Variants in MIS18A observed in about 807,000 individuals in gnomAD.
The protein encoded by MIS18A is protein Mis18-alpha.
A neutral mutation model predicts 25.0 loss-of-function variants in MIS18A; 14 were observed. The ratio of observed to expected loss-of-function variants is 0.56; its 90% CI spans 0.37 to 0.88. The LOEUF is 0.88. Among genes scored for constraint, MIS18A ranks in the 40% least tolerant of loss-of-function variants. MIS18A has a pLI of 0.00. For missense variants in MIS18A, 292 were observed against 290.8 expected (o/e 1.00, Z -0.03); for synonymous variants, 134 against 118.6 (o/e 1.13, Z -0.84).
At chr21:32,169,670 C>T in the MIS18A span, among the ~76,000 whole-genome samples, 1 of 152,142 alleles carries the variant, frequency 6.6e-6, no homozygotes, top group South Asian at 2.1e-4. Context: ...TGAAGATATA[C>T]CCCGACACAC....
the MIS18A span, among the ~76,000 whole-genome samples, chr21:32,198,515 G>C: frequency 6.6e-6 from 1 of 152,224 alleles, no homozygotes; most frequent in African/African-American, 2.4e-5. Flanking sequence ...CAGGGTCCAT[G>C]CTGCCACCGC....
At chr21:32,192,768 C>A in the MIS18A span, among the ~76,000 whole-genome samples, 1 of 152,220 alleles carries the variant, frequency 6.6e-6, no homozygotes, top group Non-Finnish European at 1.5e-5. Context: ...AACAACCAAG[C>A]GTGGCTGAAT....
chr21:32,217,818 A>G, the MIS18A span, among the ~76,000 whole-genome samples: 33 of 152,268 alleles, frequency 2.2e-4, no homozygotes, highest in Admixed American at 1.7e-3. Flanking sequence ...CAAAATTCTG[A>G]AGGAAAAAAA....
the MIS18A span, among the ~76,000 whole-genome samples, chr21:32,198,581 T>C: frequency 6.6e-6 from 1 of 152,228 alleles, no homozygotes. Flanking sequence ...TGCCCGGTTC[T>C]GCCCATGGCT....
chr21:32,157,061 T>C, the MIS18A span, among the ~76,000 whole-genome samples: 1 of 147,036 alleles, frequency 6.8e-6, no homozygotes, highest in East Asian at 2.0e-4. Flanking sequence ...TTTCTTTTTT[T>C]TTTTTTTTTG....
At chr21:32,234,188 A>G in the MIS18A span, among the ~76,000 whole-genome samples, 48 of 152,242 alleles carry the variant, frequency 3.2e-4, 1 homozygote, top group South Asian at 1.0e-3. Flanking sequence ...GCAACTTTTC[A>G]GTAAACTGAA....
chr21:32,255,298 T>G, the MIS18A span, among the ~76,000 whole-genome samples: 19 of 152,162 alleles, frequency 1.2e-4, no homozygotes, highest in Admixed American at 9.8e-4. Flanking sequence ...TGATGTAATC[T>G]TGGCTCACTG....
chr21:32,174,617 A>T, the MIS18A span, among the ~76,000 whole-genome samples: 3 of 152,204 alleles, frequency 2.0e-5, no homozygotes, highest in Non-Finnish European at 4.4e-5. Context: ...CAGCTTCAAA[A>T]TATACAAAAC....
chr21:32,202,127 A>G, the MIS18A span, among the ~76,000 whole-genome samples: 8 of 152,022 alleles, frequency 5.3e-5, no homozygotes, highest in African/African-American at 1.9e-4. Context: ...TGTCTCTACA[A>G]ACAATTAAAA....
chr21:32,189,911 C>T, the MIS18A span, among the ~76,000 whole-genome samples: 1 of 152,226 alleles, frequency 6.6e-6, no homozygotes, highest in Non-Finnish European at 1.5e-5. Flanking sequence ...CCTGTTTGTG[C>T]TCCCAGCGCA....
chr21:32,220,160 G>C, the MIS18A span, among the ~76,000 whole-genome samples: 6 of 152,354 alleles, frequency 3.9e-5, no homozygotes, highest in Admixed American at 1.3e-4. Context: ...ATGGGTCCCT[G>C]ACTCCTATGC....
At chr21:32,223,943 T>C in the MIS18A span, among the ~76,000 whole-genome samples, 1 of 152,220 alleles carries the variant, frequency 6.6e-6, no homozygotes, top group Non-Finnish European at 1.5e-5. Context: ...TCAAGTTGGC[T>C]TCATCCCTCG....
At chr21:32,238,367 G>A in the MIS18A span, among the ~76,000 whole-genome samples, 3 of 152,150 alleles carry the variant, frequency 2.0e-5, no homozygotes, top group East Asian at 5.8e-4. Context: ...GTCTCTCAGG[G>A]ATCCAGGATA....
At chr21:32,234,832 A>T in the MIS18A span, among the ~76,000 whole-genome samples, 1 of 152,198 alleles carries the variant, frequency 6.6e-6, no homozygotes, top group Non-Finnish European at 1.5e-5. Context: ...GAGCCAAGAT[A>T]AAACCTCTTT....
At chr21:32,190,203 A>T in the MIS18A span, among the ~76,000 whole-genome samples, 1 of 145,176 alleles carries the variant, frequency 6.9e-6, no homozygotes, top group African/African-American at 2.5e-5. Context: ...GCATCATCTC[A>T]CTGTCTCTCT....
the MIS18A span, among the ~76,000 whole-genome samples, chr21:32,197,469 G>C: frequency 1.3e-5 from 2 of 152,192 alleles, no homozygotes; most frequent in Admixed American, 6.5e-5. Context: ...TGAACCCAAG[G>C]ATCCAAGAAG....
the MIS18A span, among the ~76,000 whole-genome samples, chr21:32,165,003 A>T: frequency 0.44 from 66,991 of 152,006 alleles, 15,820 homozygotes; most frequent in African/African-American, 0.6. Flanking sequence ...TATGACACAG[A>T]ACTGTCCTAT....
the MIS18A span, among the ~76,000 whole-genome samples, chr21:32,252,423 G>A: frequency 6.6e-6 from 1 of 151,434 alleles, no homozygotes; most frequent in Admixed American, 6.6e-5. Flanking sequence ...GAAGAAGGAA[G>A]AGGAGGAGGA....
the MIS18A span, among the ~76,000 whole-genome samples, chr21:32,157,309 T>C: frequency 7.1e-6 from 1 of 139,924 alleles, no homozygotes; most frequent in African/African-American, 2.7e-5. Flanking sequence ...GACTTAGTGA[T>C]CCACCTTCCT....
Sources: gnomAD v4.1 joint callset for allele counts (sites outside exome capture counted in the v4.1 genomes callset) on GRCh38, gnomAD v4.1.1 for gene constraint, MANE v1.5 for transcripts, NCBI Gene and HGNC (gene_info 2026-07-23, HGNC 2026-07-21) for gene names.